Variants in APLF observed in about 807,000 individuals in gnomAD.
APLF encodes aprataxin and PNK-like factor.
Under a neutral mutation model 55.6 loss-of-function variants are expected in APLF, and 61 were observed. The ratio of observed to expected loss-of-function variants is 1.10; its 90% CI spans 0.89 to 1.36. The LOEUF (loss-of-function observed/expected upper bound fraction) is 1.36. APLF is among the 40% of genes most tolerant of loss of function. APLF has a pLI of 0.00. For missense variants in APLF, 611 were observed against 602.5 expected (o/e 1.01, Z -0.15); for synonymous variants, 207 against 214.8 (o/e 0.96, Z 0.32).
chr2:68,551,003 T>G (rs1424866193), intron 8 of APLF, among the ~76,000 whole-genome samples: 1 of 152,156 alleles, frequency 6.6e-6, no homozygotes, highest in East Asian at 1.9e-4. Flanking sequence ...TCTTTTAGTT[T>G]TAAAAACTTC....
rs574369061 is a variant in APLF, at chr2:68,480,268, T to G, written c.97-9922T>G. Among the ~76,000 whole-genome samples, 3 of 152,156 alleles carry G rather than the reference T, an allele frequency of 2.0e-5. No individual in the cohort carries two copies. The South Asian group carries it at 6.2e-4, about 32-fold the overall frequency. ...TATCTACAAGCAGGGATGATTCAAC[T>G]TCCTCCTTTCCATTTAGATGCCCTT... On this transcript the variant is annotated intron_variant, in intron 1 of 9. Coordinates refer to ENST00000303795, the MANE Select transcript of APLF (RefSeq NM_173545.3).
intron 9 of APLF, 86 bp downstream of exon 9, chr2:68,567,473 T>G (rs1164871297): frequency 1.9e-6 from 2 of 1,070,472 alleles, no homozygotes; most frequent in Non-Finnish European, 2.7e-6. Flanking sequence ...TATGAAAATA[T>G]TTTAAAATCT....
chr2:68,508,070 A>G (rs1183196401), intron 3 of APLF, among the ~76,000 whole-genome samples: 7 of 151,868 alleles, frequency 4.6e-5, no homozygotes, highest in African/African-American at 1.7e-4. Context: ...TCATAATAGT[A>G]GCATATTTTA....
chr2:68,517,409 C>CTA (rs200436492), intron 5 of APLF, among the ~76,000 whole-genome samples: 26,551 of 126,874 alleles, frequency 0.21, 4,497 homozygotes, highest in African/African-American at 0.47. Context: ...ATTAATATAT[C>CTA]TATATATTAC....
intron 2 of APLF, among the ~76,000 whole-genome samples, chr2:68,490,872 A>G (rs2103908406): frequency 6.6e-6 from 1 of 152,344 alleles, no homozygotes; most frequent in African/African-American, 2.4e-5. Context: ...AGAATGAAAT[A>G]CGTACATAAG....
chr2:68,492,434 T>C (rs1676401353), intron 2 of APLF, among the ~76,000 whole-genome samples: 1 of 152,070 alleles, frequency 6.6e-6, no homozygotes, highest in Non-Finnish European at 1.5e-5. Flanking sequence ...GCCGAGATTG[T>C]GCCACTGCAC....
intron 8 of APLF, among the ~76,000 whole-genome samples, chr2:68,551,606 T>C (rs112447115): frequency 1.6e-4 from 19 of 121,264 alleles, no homozygotes; most frequent in African/African-American, 5.2e-4. Flanking sequence ...TCTTCTTCTT[T>C]TTTTTTTTTT....
At position 68,513,651 on chromosome 2, in the gene APLF, A is replaced by G. The variant is rs1669482558; in HGVS notation, c.593A>G (p.Gln198Arg). 6.2e-7 allele frequency: 1 copy of G among 1,611,226 alleles called. No homozygotes were observed. Residue 198 changes from glutamine to arginine, a missense_variant, in exon 5 of 10, where the codon CAA (glutamine) becomes CGA (arginine). Coordinates refer to ENST00000303795, the MANE Select transcript of APLF (RefSeq NM_173545.3). ...ATGTTAGCAGAACATTTAAGTGATC[A>G]AAACCTTTCAGTACCAGCAATCAGT... ...TWMLAEHLSD[Q>R]NLSVPAISGG...
chr2:68,537,024 G>C (rs1670410467), intron 6 of APLF, among the ~76,000 whole-genome samples: 1 of 152,000 alleles, frequency 6.6e-6, no homozygotes, highest in Admixed American at 6.6e-5. Flanking sequence ...AATTAGCTGG[G>C]CATGGTAGCA....
At chr2:68,505,403 C>T (rs1676845813) in intron 3 of APLF, among the ~76,000 whole-genome samples, 1 of 151,880 alleles carries the variant, frequency 6.6e-6, no homozygotes, top group Admixed American at 6.6e-5. Flanking sequence ...TTAGCTTATT[C>T]CCTTAGTGTG....
Position 68,553,236 on chromosome 2 carries a change from A to G in APLF, c.1286+7924A>G, listed in dbSNP as rs79325674. On this transcript the variant is annotated intron_variant, in intron 8 of 9. Transcript: ENST00000303795. ...AAATAATATTTGGAGTTTTCAAAGTACCTCTAGATAAGGAACTTTGAAGAA... is the reference window on the plus strand; with the variant it reads ...AAATAATATTTGGAGTTTTCAAAGTGCCTCTAGATAAGGAACTTTGAAGAA... Among the ~76,000 whole-genome samples, 376 of 152,220 alleles carry G rather than the reference A, an allele frequency of 2.5e-3. 1 individual carries two copies. The highest frequency in any genetic ancestry group is 8.7e-3 in the African/African-American group (363 of 41,534).
chr2:68,477,089 TAAAATTTATCAA>T (rs566970377), intron 1 of APLF, among the ~76,000 whole-genome samples: 6 of 152,262 alleles, frequency 3.9e-5, no homozygotes, highest in South Asian at 4.1e-4. Context: ...TATAAAAAGG[TAAAATTTATCAA>T]AACATACACA....
In APLF at chr2:68,498,417, A is replaced by G. The variant is rs551770878; in HGVS notation, c.169-4314A>G. 2.6e-5 allele frequency among the ~76,000 whole-genome samples: 4 copies of G among 152,324 alleles called. No homozygotes were observed. In the East Asian group the frequency reaches 7.7e-4, roughly 29 times the overall value. On this transcript the variant is annotated intron_variant, in intron 2 of 9. Coordinates refer to ENST00000303795, the MANE Select transcript of APLF (RefSeq NM_173545.3). ...TTTAACTTGGAAATCCAAACTTACC[A>G]CCAAATAAAAAAATAGCTTTGACAA... is the stretch of plus-strand genomic sequence containing the variant.
chr2:68,517,121 T>G (rs541829190), intron 5 of APLF, among the ~76,000 whole-genome samples: 29 of 124,854 alleles, frequency 2.3e-4, no homozygotes, highest in African/African-American at 9.0e-4. Flanking sequence ...AATAATACGT[T>G]ATTGATCTAT....
Position 68,530,008 on chromosome 2 carries a change from C to T in APLF, c.804+3766C>T, listed in dbSNP as rs552874831. Among the ~76,000 whole-genome samples the T allele has an allele frequency of 2.3e-3, 348 of 152,334 alleles. 1 individual carries two copies. The highest frequency in any genetic ancestry group is 7.9e-3 in the African/African-American group (327 of 41,566). ...CTGTGGCCTCAAGGGCCACCAGCCT[C>T]GCTCCGCAGGTTTCCAAAGAGAGGA... On this transcript the variant is annotated intron_variant, in intron 6 of 9. Transcript: ENST00000303795.
rs910543700 is a variant in APLF at position 68,578,975 on chromosome 2, T to C, written c.*953T>C. The stretch of plus-strand genomic sequence containing the variant: ...AAAACTACTTTAAGCCCTATAATGC[T>C]CTTCATATTACGTGACTTTGAATTG... On this transcript the variant is annotated 3_prime_UTR_variant, in exon 10 of 10. Coordinates refer to ENST00000303795, the MANE Select transcript of APLF (RefSeq NM_173545.3). 1.0e-6 allele frequency: 1 copy of C among 984,566 alleles called. No homozygotes were observed. Among genetic ancestry groups the C allele is most frequent in the Non-Finnish European group, 1.2e-6 (1 of 829,304 alleles). The allele number at this position is 984,566 out of a possible 1,614,324, so 61.0% of individuals were successfully genotyped here.
chr2:68,528,394 A>C (rs1180469989), intron 6 of APLF: 1 of 1,534,270 alleles, frequency 6.5e-7, no homozygotes, highest in Non-Finnish European at 8.7e-7. Flanking sequence ...CAGGAGATAG[A>C]CATGGAAGCT....
intron 1 of APLF, among the ~76,000 whole-genome samples, chr2:68,488,951 A>G (rs1419795911): frequency 6.6e-6 from 1 of 152,098 alleles, no homozygotes; most frequent in Non-Finnish European, 1.5e-5. Flanking sequence ...GTGCACATGT[A>G]CCCTAAAACT....
chr2:68,512,940 C>A, intron 3 of APLF, 140 bp from the exon 4 acceptor site: 1 of 577,798 alleles, frequency 1.7e-6, no homozygotes, highest in Non-Finnish European at 3.0e-6. Context: ...ATATTCTAGT[C>A]TATATATTCT....
Sources: gnomAD v4.1 joint callset for allele counts (sites outside exome capture counted in the v4.1 genomes callset) on GRCh38, gnomAD v4.1.1 for gene constraint, MANE v1.5 for transcripts, NCBI Gene and HGNC (gene_info 2026-07-23, HGNC 2026-07-21) for gene names.